The following MYO7A variants were observed in gnomAD, a reference collection of about 807,000 sequenced individuals.
MYO7A encodes the protein unconventional myosin-VIIa.
Under a neutral mutation model 263.8 loss-of-function variants are expected in MYO7A, and 210 were observed. That is an observed-to-expected ratio of 0.80 (90% confidence interval 0.71 to 0.89). The LOEUF (loss-of-function observed/expected upper bound fraction) is 0.89, where lower values mean the gene tolerates loss of function less well. Ranked by LOEUF, MYO7A falls within the 40% of genes least tolerant of loss-of-function variation. The pLI is 0.00. For missense variants in MYO7A, 2,820 were observed against 2,968.3 expected (o/e 0.95, Z 1.16); for synonymous variants, 1,239 against 1,197.3 (o/e 1.03, Z -0.72).
chr11:77,180,667 G>C (rs1591375135), intron 22 of MYO7A, among the ~76,000 whole-genome samples, 186 bp downstream of exon 22: 1 of 152,344 alleles, frequency 6.6e-6, no homozygotes, highest in African/African-American at 2.4e-5. Flanking sequence ...CCATGCAAAA[G>C]GATGAAGGGC....
intron 8 of MYO7A, 57 bp downstream of exon 8, chr11:77,157,449 C>A: frequency 1.7e-6 from 2 of 1,211,970 alleles, no homozygotes; most frequent in Non-Finnish European, 2.4e-6. Flanking sequence ...TTGTAGGGAG[C>A]TGGCTACTGC....
chr11:77,191,551 G>A (rs1411301030), intron 30 of MYO7A, among the ~76,000 whole-genome samples: 2 of 152,176 alleles, frequency 1.3e-5, no homozygotes, highest in Admixed American at 6.5e-5. Context: ...TCAGCAAACA[G>A]GAGTTCCTTC....
intron 7 of MYO7A, 101 bp downstream of exon 7, chr11:77,157,105 C>A: frequency 6.6e-7 from 1 of 1,514,280 alleles, no homozygotes; most frequent in Non-Finnish European, 9.0e-7. Context: ...TGCTCCCCCA[C>A]CTGCCCGTAT....
intron 26 of MYO7A, 138 bp from the exon 27 acceptor site, chr11:77,184,450 C>G: frequency 2.8e-6 from 2 of 714,868 alleles, no homozygotes. Flanking sequence ...GGGGTAATGA[C>G]AGTGATGGGG....
intron 45 of MYO7A, among the ~76,000 whole-genome samples, chr11:77,211,593 G>GCAAA (rs1465147660): frequency 7.2e-5 from 11 of 152,306 alleles, no homozygotes; most frequent in African/African-American, 2.6e-4. Context: ...GATACCCTTT[G>GCAAA]GTCTGCCTGC....
chr11:77,132,404 G>T (rs1950792333), intron 2 of MYO7A, among the ~76,000 whole-genome samples: 1 of 152,074 alleles, frequency 6.6e-6, no homozygotes, highest in Admixed American at 6.5e-5. Flanking sequence ...GAAGGAAGAA[G>T]CATTTTCATG....
In MYO7A at chr11:77,182,582, C is replaced by T; in HGVS notation, c.3267C>T (p.Ala1089=). 6.2e-7 allele frequency: 1 copy of T among 1,612,954 alleles called. No individual in the cohort carries two copies. The highest frequency in any genetic ancestry group is 8.5e-7 in the Non-Finnish European group (1 of 1,179,808). The change falls in exon 25 of 49, where the codon GCC becomes GCT. Residue 1089 remains alanine (A), a synonymous_variant. Transcript: ENST00000409709. ...AGACGTACAAGAGGGAGCTGCAGGC[C>T]CTGCAGGGCGAGGGCGAGGTGAGGC... is the stretch of plus-strand genomic sequence containing the variant. The part of the protein sequence containing the change: ...GKKTYKRELQ[A]LQGEGEAQLP...
chr11:77,199,068 AC>A (rs1265773905), intron 34 of MYO7A, among the ~76,000 whole-genome samples: 2 of 152,202 alleles, frequency 1.3e-5, no homozygotes, highest in Non-Finnish European at 2.9e-5. Context: ...GCTGGGATTG[AC>A]TGGCTTTCCC....
chr11:77,181,263 C>A, intron 22 of MYO7A, 117 bp from the exon 23 acceptor site: 1 of 883,858 alleles, frequency 1.1e-6, no homozygotes, highest in South Asian at 1.8e-5. Flanking sequence ...TCCCAGCGGT[C>A]AGGAGGTGGG....
intron 31 of MYO7A, among the ~76,000 whole-genome samples, chr11:77,193,029 T>TGGAG (rs1956281499): frequency 2.7e-5 from 3 of 111,786 alleles, no homozygotes; most frequent in Non-Finnish European, 5.0e-5. Context: ...GTAGCGATGG[T>TGGAG]GTTGTTGGTG....
intron 5 of MYO7A, among the ~76,000 whole-genome samples, chr11:77,156,332 C>G (rs913974291): frequency 6.6e-6 from 1 of 152,246 alleles, no homozygotes; most frequent in Non-Finnish European, 1.5e-5. Flanking sequence ...TTGTTTACTG[C>G]TGGTTCCTGT....
intron 2 of MYO7A, among the ~76,000 whole-genome samples, chr11:77,134,252 G>A (rs1950850035): frequency 6.6e-6 from 1 of 152,182 alleles, no homozygotes. Flanking sequence ...TCTTAAATCT[G>A]CATCAATATA....
intron 32 of MYO7A, among the ~76,000 whole-genome samples, chr11:77,194,773 T>C (rs1956513565): frequency 6.6e-6 from 1 of 152,202 alleles, no homozygotes; most frequent in Non-Finnish European, 1.5e-5. Flanking sequence ...CCTGGTCTTG[T>C]GCCAGCCCCT....
chr11:77,174,147 C>T (rs1954398187), intron 16 of MYO7A, among the ~76,000 whole-genome samples: 1 of 152,296 alleles, frequency 6.6e-6, no homozygotes, highest in Non-Finnish European at 1.5e-5. Context: ...AGCCCCACAG[C>T]CTCACAGCCC....
intron 40 of MYO7A, among the ~76,000 whole-genome samples, chr11:77,205,895 T>A (rs1957417249): frequency 6.6e-6 from 1 of 152,156 alleles, no homozygotes; most frequent in African/African-American, 2.4e-5. Context: ...ACTTGTGTTC[T>A]TCACTTTGCT....
At chr11:77,151,645 C>A (rs1555057240) in intron 4 of MYO7A, among the ~76,000 whole-genome samples, 11 of 152,216 alleles carry the variant, frequency 7.2e-5, no homozygotes. Context: ...CTCCACAGGG[C>A]AGATTTTACT....
At chr11:77,207,472 G>GGACA in intron 42 of MYO7A, 70 bp downstream of exon 42, 1 of 1,107,234 alleles carries the variant, frequency 9.0e-7, no homozygotes, top group Non-Finnish European at 1.3e-6. Context: ...GACAGCAGAC[G>GGACA]GAAGAGAGAG....
Position 77,207,281 on chromosome 11 carries a change from C to T in MYO7A, c.5743-8C>T. The stretch of plus-strand genomic sequence containing the variant: ...CTGCAGGAGCCCAGTGCTCACTGCC[C>T]CTCCCAGGCCTTCGAAGTGGAGTCC... On this transcript the variant is annotated splice_polypyrimidine_tract_variant and splice_region_variant and intron_variant, in intron 41 of 48. Coordinates refer to ENST00000409709, the MANE Select transcript of MYO7A (RefSeq NM_000260.4). The T allele has an allele frequency of 1.9e-6, 3 of 1,601,488 alleles. No individual in the cohort carries two copies. The highest frequency in any genetic ancestry group is 2.6e-6 in the Non-Finnish European group (3 of 1,173,072).
In MYO7A at chr11:77,210,973, C is replaced by A. The variant is rs1191858755; in HGVS notation, c.6052-179C>A. 8.3e-6 allele frequency: 5 copies of A among 599,188 alleles called. No homozygotes were observed. In the East Asian group the frequency reaches 1.1e-4, roughly 13 times the overall value. The allele number at this position is 599,188 out of a possible 1,614,324, so 37.1% of individuals were successfully genotyped here. ...CTGAGTCTGTGCAGGCAGACTTGCT[C>A]TGTCCCTGTCCTGTGCCGTATCCCC... is the stretch of plus-strand genomic sequence containing the variant. On this transcript the variant is annotated intron_variant, in intron 44 of 48. Coordinates refer to ENST00000409709, the MANE Select transcript of MYO7A (RefSeq NM_000260.4).
Sources: allele counts gnomAD v4.1 joint callset (sites outside exome capture counted in the v4.1 genomes callset), GRCh38; gene constraint gnomAD v4.1.1; transcripts MANE v1.5; gene names NCBI Gene and HGNC (gene_info 2026-07-23, HGNC 2026-07-21).